The following DHCR7 variants were observed in gnomAD, a reference collection of about 807,000 sequenced individuals.
DHCR7 encodes the protein 7-DHC reductase.
Under a neutral mutation model 43.3 loss-of-function variants are expected in DHCR7, and 40 were observed. The observed-to-expected ratio is 0.92, with a 90% CI of 0.72 to 1.20. DHCR7 has a LOEUF of 1.20. Ranked by LOEUF, DHCR7 falls within the 50% of genes most tolerant of loss-of-function variation. DHCR7 has a pLI of 0.00. For missense variants in DHCR7, 608 were observed against 644.6 expected (o/e 0.94, Z 0.62); for synonymous variants, 298 against 271.4 (o/e 1.10, Z -0.96).
chr11:71,435,394 A>AGGCGGTAAGGCACTGC lies in DHCR7; in HGVS notation c.1393_1408dup (p.Leu470ArgfsTer92), dbSNP rs762999231. The stretch of plus-strand genomic sequence containing the variant: ...GTGCCCTTAGAAGATTCCAGGCAGC[A>AGGCGGTAAGGCACTGC]GGCGGTAAGGCACTGCGGCGGTGTA... On this transcript the variant is annotated frameshift_variant, in exon 9 of 9. Coordinates refer to ENST00000355527, the MANE Select transcript of DHCR7 (RefSeq NM_001360.3). LOFTEE classifies it high-confidence loss of function. 3 of 1,612,452 alleles carry AGGCGGTAAGGCACTGC rather than the reference A, an allele frequency of 1.9e-6. No individual in the cohort carries two copies. The highest frequency in any genetic ancestry group is 2.5e-6 in the Non-Finnish European group (3 of 1,180,000).
intron 2 of DHCR7, among the ~76,000 whole-genome samples, chr11:71,447,089 A>T (rs1949412998): frequency 6.6e-6 from 1 of 152,178 alleles, no homozygotes; most frequent in Non-Finnish European, 1.5e-5. Flanking sequence ...TAGTTCCCAC[A>T]CTGACTGGTG....
At chr11:71,441,519 C>G in intron 5 of DHCR7, 79 bp from the exon 6 acceptor site, 1 of 1,268,216 alleles carries the variant, frequency 7.9e-7, no homozygotes. Flanking sequence ...GCATGCCTGG[C>G]GGGGGCCCTG....
At position 71,428,552 on chromosome 11, in the gene DHCR7, C is replaced by A. The variant is rs183422926; in HGVS notation, c.*271G>T. 23 of 244,546 alleles carry A rather than the reference C, an allele frequency of 9.4e-5. No homozygotes were observed. In the Admixed American group the frequency reaches 1.1e-3, roughly 12 times the overall value. 15.1% of individuals were successfully genotyped at this position (244,546 alleles called of 1,614,324 possible). A position where few individuals can be genotyped will look rare whatever the true frequency, so the allele number is the denominator to read the frequency against. On this transcript the variant is annotated 3_prime_UTR_variant, in exon 3 of 3. Transcript: ENST00000534795. The stretch of plus-strand genomic sequence containing the variant: ...TTTTTTTGCACAGGACACTGCAATG[C>A]ACAGCCTTGAACTTGCAGCCATTTC...
chr11:71,441,045 G>A (rs1218724217), intron 6 of DHCR7, among the ~76,000 whole-genome samples, 182 bp downstream of exon 6: 1 of 152,202 alleles, frequency 6.6e-6, no homozygotes, highest in African/African-American at 2.4e-5. Context: ...GCCAAGGCTG[G>A]AGAAGCCACC....
chr11:71,437,888 T>C lies in DHCR7; in HGVS notation c.887A>G (p.Asp296Gly). The change falls in exon 8 of 9, where the codon GAC (aspartate) becomes GGC (glycine). Residue 296 changes from aspartate (D) to glycine (G), a missense_variant. Transcript: ENST00000355527. ...WNETWYLKTIDICHDHFGWYL... is the reference protein window; with the variant it reads ...WNETWYLKTIGICHDHFGWYL... ...CCACCCGAAGTGGTCATGGCAGATG[T>C]CAATGGTCTTCAGGTACCAGGTTTC... is the stretch of plus-strand genomic sequence containing the variant. 6.2e-7 allele frequency: 1 copy of C among 1,613,932 alleles called. No homozygotes were observed. The highest frequency in any genetic ancestry group is 8.5e-7 in the Non-Finnish European group (1 of 1,180,010).
intron 2 of DHCR7, among the ~76,000 whole-genome samples, chr11:71,445,399 C>A (rs1051536016): frequency 2.6e-5 from 4 of 152,232 alleles, no homozygotes; most frequent in Non-Finnish European, 4.4e-5. Context: ...TTGTTCAGGG[C>A]TCATGTAAAA....
Position 71,441,399 on chromosome 11 carries a change from G to T in DHCR7, c.454C>A (p.Leu152Ile). The change falls in exon 6 of 9, where the codon CTC becomes ATC. Residue 152 changes from leucine to isoleucine, a missense_variant. Leu to Ile is a conservative substitution (Grantham distance 5). Transcript: ENST00000355527. ...GCAAACCAGAGCAGGTGCGTGAGGA[G>T]CCAGGCTTGCAGGCCATTGATCTGA... ...KYQINGLQAWLLTHLLWFANA... is the reference protein window; with the variant it reads ...KYQINGLQAWILTHLLWFANA... 1.2e-6 allele frequency: 2 copies of T among 1,614,090 alleles called. No homozygotes were observed. Among genetic ancestry groups the T allele is most frequent in the Non-Finnish European group, 1.7e-6 (2 of 1,179,938 alleles).
At chr11:71,442,687 T>G (rs1591112464) in intron 4 of DHCR7, among the ~76,000 whole-genome samples, 1 of 152,128 alleles carries the variant, frequency 6.6e-6, no homozygotes, top group East Asian at 1.9e-4. Context: ...GATGAGGTCT[T>G]GTTCTACCAC....
In DHCR7 at chr11:71,448,353, C is replaced by G. The variant is rs141057811; in HGVS notation, c.-195G>C. 6.5e-6 allele frequency: 1 copy of G among 153,694 alleles called. No homozygotes were observed. Among genetic ancestry groups the G allele is most frequent in the African/African-American group, 2.4e-5 (1 of 41,492 alleles). 9.5% of individuals were successfully genotyped at this position (153,694 alleles called of 1,614,324 possible). A position where few individuals can be genotyped will look rare whatever the true frequency, so the allele number is the denominator to read the frequency against. Reference sequence around the variant, plus strand: ...CCTGGCCTCGCTTGCGCGCGCTGCTCCACGCCGCCTACCCTCTAGCCAGGG... The same window carrying G: ...CCTGGCCTCGCTTGCGCGCGCTGCTGCACGCCGCCTACCCTCTAGCCAGGG... On this transcript the variant is annotated 5_prime_UTR_variant, in exon 1 of 9. Transcript: ENST00000355527.
chr11:71,436,765 T>C (rs1949286249), intron 8 of DHCR7, among the ~76,000 whole-genome samples: 1 of 152,200 alleles, frequency 6.6e-6, no homozygotes, highest in South Asian at 2.1e-4. Flanking sequence ...TTCAATCACA[T>C]GAGTTGAAAA....
Position 71,436,197 on chromosome 11 carries a change from G to A in DHCR7, c.964-358C>T, listed in dbSNP as rs184241358. Reference sequence around the variant, plus strand: ...CCACTTGGCCAGGCCATTGTTCCCAGATATTTGGTCAAACACTAGTTGTAA... The same window carrying A: ...CCACTTGGCCAGGCCATTGTTCCCAAATATTTGGTCAAACACTAGTTGTAA... On this transcript the variant is annotated intron_variant, in intron 8 of 8. Transcript: ENST00000355527. Among the ~76,000 whole-genome samples the A allele has an allele frequency of 8.7e-4, 133 of 152,306 alleles. 1 individual carries two copies. The highest frequency in any genetic ancestry group is 3.0e-3 in the African/African-American group (124 of 41,562).
At chr11:71,443,877 A>G (rs930609987) in intron 4 of DHCR7, 116 bp downstream of exon 4, 5 of 789,428 alleles carry the variant, frequency 6.3e-6, no homozygotes, top group Middle Eastern at 3.0e-4. Flanking sequence ...GGGTCCCGGG[A>G]ACCCAGATGT....
downstream of DHCR7, among the ~76,000 whole-genome samples, chr11:71,433,622 C>A (rs184698904): frequency 6.6e-6 from 1 of 152,330 alleles, no homozygotes; most frequent in East Asian, 1.9e-4. Flanking sequence ...GAGGGTAGGT[C>A]CCCTGAAGGT....
rs1348232298 is a variant in DHCR7, at chr11:71,444,027, G to A, written c.287C>T (p.Ala96Val). ...GACCCACAAGGTATAGAGCTGGGCG[G>A]CTTTCCTCGTTATAGGTGGAGTCTT... Reference protein sequence around the residue: ...WAKTPPITRKAAQLYTLWVTF... With the variant: ...WAKTPPITRKVAQLYTLWVTF... The change falls in exon 4 of 9, where the codon GCC becomes GTC. Residue 96 changes from alanine (A) to valine (V), a missense_variant. Physicochemically the swap from Ala to Val is moderately conservative, Grantham distance 64 (BLOSUM62 0). Coordinates refer to ENST00000355527, the MANE Select transcript of DHCR7 (RefSeq NM_001360.3). 1 of 1,613,006 alleles carries A rather than the reference G, an allele frequency of 6.2e-7. No homozygotes were observed. Among genetic ancestry groups the A allele is most frequent in the African/African-American group, 1.3e-5 (1 of 74,936 alleles).
At chr11:71,438,082 C>A in intron 7 of DHCR7, 139 bp from the exon 8 acceptor site, 1 of 1,027,968 alleles carries the variant, frequency 9.7e-7, no homozygotes, top group South Asian at 1.3e-5. Context: ...GGGGCTGTTC[C>A]TTCCCTGCGG....
chr11:71,442,042 C>T (rs914600588), intron 5 of DHCR7, among the ~76,000 whole-genome samples: 1 of 152,200 alleles, frequency 6.6e-6, no homozygotes, highest in South Asian at 2.1e-4. Flanking sequence ...GGAGCTGGGC[C>T]ATCCATTCCC....
intron 2 of DHCR7, among the ~76,000 whole-genome samples, chr11:71,447,108 G>T (rs1949413297): frequency 6.6e-6 from 1 of 152,194 alleles, no homozygotes; most frequent in Non-Finnish European, 1.5e-5. Flanking sequence ...TGTTAATCCA[G>T]ACCACCCACA....
chr11:71,442,243 G>A lies in DHCR7; in HGVS notation c.412+20C>T, dbSNP rs1206858539. ...GGGATGAGAACGGGAGCCTGGGGAG[G>A]GTGGAAGGGAGGAGGCTACCTGCAG... is the stretch of plus-strand genomic sequence containing the variant. On this transcript the variant is annotated intron_variant, in intron 5 of 8. Transcript: ENST00000355527. 3.8e-6 allele frequency: 6 copies of A among 1,585,362 alleles called. No homozygotes were observed. The highest frequency in any genetic ancestry group is 5.2e-6 in the Non-Finnish European group (6 of 1,155,796).
chr11:71,428,925 C>T (rs1214236060), intron 2 of DHCR7: 1 of 451,794 alleles, frequency 2.2e-6, no homozygotes, highest in Non-Finnish European at 4.4e-6. Flanking sequence ...AAAATAATAA[C>T]CATGTAATTC....
Sources: allele counts gnomAD v4.1 joint callset (sites outside exome capture counted in the v4.1 genomes callset), GRCh38; gene constraint gnomAD v4.1.1; transcripts MANE v1.5; gene names NCBI Gene and HGNC (gene_info 2026-07-23, HGNC 2026-07-21).